Variants in PRKCH observed in about 807,000 individuals in gnomAD.
PRKCH encodes the protein protein kinase C eta type.
A neutral mutation model predicts 82.5 loss-of-function variants in PRKCH; 28 were observed. That is an observed-to-expected ratio of 0.34 (90% CI 0.25 to 0.47). The LOEUF (loss-of-function observed/expected upper bound fraction) is 0.47, where lower values mean the gene tolerates loss of function less well. Among genes scored for constraint, PRKCH ranks in the 20% least tolerant of loss-of-function variants. The pLI is 1.00. For missense variants in PRKCH, 705 were observed against 881.8 expected (o/e 0.80, Z 2.54); for synonymous variants, 322 against 327.4 (o/e 0.98, Z 0.18).
At chr14:61,295,410 C>T (rs1232744009) in intron 1 of PRKCH, among the ~76,000 whole-genome samples, 1 of 152,214 alleles carries the variant, frequency 6.6e-6, no homozygotes, top group Non-Finnish European at 1.5e-5. Flanking sequence ...CTGATGTTGT[C>T]AGTCCCTGGC....
chr14:61,351,331 C>T (rs991256892), intron 1 of PRKCH, among the ~76,000 whole-genome samples: 3 of 152,154 alleles, frequency 2.0e-5, no homozygotes, highest in African/African-American at 7.2e-5. Context: ...AGCTAAGGTC[C>T]TGCAGAGTTG....
chr14:61,443,312 T>A (rs1373634450), intron 3 of PRKCH, 51 bp downstream of exon 3: 1 of 1,553,830 alleles, frequency 6.4e-7, no homozygotes, highest in Non-Finnish European at 8.7e-7. Flanking sequence ...TCTAATAGGC[T>A]TCCTCTGGTT....
At chr14:61,506,138 A>G (rs1406354766) in intron 10 of PRKCH, among the ~76,000 whole-genome samples, 1 of 152,198 alleles carries the variant, frequency 6.6e-6, no homozygotes, top group Non-Finnish European at 1.5e-5. Flanking sequence ...GAGCAGCATT[A>G]GAATTTTACT....
chr14:61,197,667 G>A (rs754212964), intron 1 of PRKCH, among the ~76,000 whole-genome samples: 5 of 152,134 alleles, frequency 3.3e-5, no homozygotes, highest in African/African-American at 7.2e-5. Flanking sequence ...GAGCCCTCAT[G>A]ACCGTATCAT....
At chr14:61,245,939 C>G (rs890417819) in intron 1 of PRKCH, among the ~76,000 whole-genome samples, 1 of 152,130 alleles carries the variant, frequency 6.6e-6, no homozygotes, top group African/African-American at 2.4e-5. Flanking sequence ...CAGTCATACC[C>G]AAACATTAGT....
At chr14:61,534,260 C>T (rs570562984) in intron 12 of PRKCH, among the ~76,000 whole-genome samples, 5 of 152,308 alleles carry the variant, frequency 3.3e-5, no homozygotes, top group African/African-American at 9.6e-5. Flanking sequence ...GATATTTGTA[C>T]ACCCATGTCC....
intron 1 of PRKCH, among the ~76,000 whole-genome samples, chr14:61,379,007 G>A (rs2046462077): frequency 6.6e-6 from 1 of 152,186 alleles, no homozygotes; most frequent in African/African-American, 2.4e-5. Flanking sequence ...TAACTTTCCT[G>A]ATTGAAACCC....
chr14:61,458,111 C>G (rs569676503), intron 9 of PRKCH, among the ~76,000 whole-genome samples: 1 of 152,164 alleles, frequency 6.6e-6, no homozygotes, highest in Admixed American at 6.5e-5. Context: ...CTGAGAGGAC[C>G]CAGAGAGGTA....
intron 10 of PRKCH, among the ~76,000 whole-genome samples, chr14:61,515,645 T>C (rs898489420): frequency 7.2e-5 from 11 of 152,300 alleles, no homozygotes; most frequent in Admixed American, 2.0e-4. Flanking sequence ...CCAGACCATG[T>C]CACTGTATGA....
intron 2 of PRKCH, among the ~76,000 whole-genome samples, chr14:61,440,889 AT>A (rs1883930881): frequency 1.3e-5 from 2 of 151,142 alleles, no homozygotes; most frequent in Admixed American, 1.3e-4. Flanking sequence ...AAAATAAAAA[AT>A]AAAAAATTAT....
chr14:61,392,966 G>A (rs989304282), intron 2 of PRKCH, among the ~76,000 whole-genome samples: 1 of 151,784 alleles, frequency 6.6e-6, no homozygotes, highest in East Asian at 1.9e-4. Flanking sequence ...ATACACGAAT[G>A]CAGTTGTTCT....
At chr14:61,375,979 T>C (rs1454644879) in intron 1 of PRKCH, among the ~76,000 whole-genome samples, 1 of 147,108 alleles carries the variant, frequency 6.8e-6, no homozygotes, top group African/African-American at 2.6e-5. Context: ...ATCATGCCAC[T>C]GCACTCCAGC....
intron 1 of PRKCH, among the ~76,000 whole-genome samples, chr14:61,247,735 C>CA (rs202153655): frequency 0.36 from 19,016 of 52,830 alleles, 5,177 homozygotes; most frequent in African/African-American, 0.56. Flanking sequence ...GACTCCATCT[C>CA]AAAAAAAAAA....
chr14:61,540,450 A>G (rs1408178570), intron 12 of PRKCH, among the ~76,000 whole-genome samples: 1 of 152,212 alleles, frequency 6.6e-6, no homozygotes, highest in Non-Finnish European at 1.5e-5. Flanking sequence ...GTAGGGACTG[A>G]GAGCAAAGGC....
At chr14:61,363,382 G>A (rs1028938001) in intron 1 of PRKCH, among the ~76,000 whole-genome samples, 10 of 152,200 alleles carry the variant, frequency 6.6e-5, no homozygotes, top group African/African-American at 2.4e-4. Flanking sequence ...GTGAGATGAT[G>A]AATATGTGTA....
intron 10 of PRKCH, among the ~76,000 whole-genome samples, chr14:61,497,456 A>G (rs563952422): frequency 1.3e-5 from 2 of 152,284 alleles, no homozygotes; most frequent in Admixed American, 6.5e-5. Context: ...CTTTTGGGAA[A>G]AGCATCAAAC....
chr14:61,398,665 A>G (rs1456992125), intron 2 of PRKCH, among the ~76,000 whole-genome samples: 1 of 152,228 alleles, frequency 6.6e-6, no homozygotes, highest in East Asian at 1.9e-4. Flanking sequence ...TAGACCAGTC[A>G]GGCTTCCAGA....
rs181716460 is a variant in PRKCH, at chr14:61,254,627, A to G, written c.-19+66959A>G. Among the ~76,000 whole-genome samples, 550 of 152,194 alleles carry G rather than the reference A, an allele frequency of 3.6e-3. 4 individuals carry two copies. The highest frequency in any genetic ancestry group is 4.0e-3 in the Non-Finnish European group (271 of 67,998). ...CTGTTTAAAAAACAAAACAAAATAA[A>G]ACAAAACAAACAAACAAACATAAAA... On this transcript the variant is annotated intron_variant, in intron 1 of 3. Coordinates refer to the PRKCH transcript ENST00000555185.
intron 1 of PRKCH, among the ~76,000 whole-genome samples, chr14:61,229,035 C>T (rs948704687): frequency 6.6e-6 from 1 of 152,046 alleles, no homozygotes; most frequent in Non-Finnish European, 1.5e-5. Flanking sequence ...TAGGCATATC[C>T]TCAACCCAGA....
Sources: gnomAD v4.1 joint callset for allele counts (sites outside exome capture counted in the v4.1 genomes callset) on GRCh38, gnomAD v4.1.1 for gene constraint, MANE v1.5 for transcripts, NCBI Gene and HGNC (gene_info 2026-07-23, HGNC 2026-07-21) for gene names.